Variants in ZNF385D observed in about 807,000 individuals in gnomAD.
ZNF385D encodes the protein zinc finger protein 659.
In ZNF385D, 15 loss-of-function variants were observed where a neutral mutation model predicts 35.8. That is an observed-to-expected ratio of 0.42 (90% CI 0.28 to 0.64). The LOEUF is 0.64. Ranked by LOEUF, ZNF385D falls within the 30% of genes least tolerant of loss-of-function variation. ZNF385D has a pLI of 0.23. For synonymous variants in ZNF385D, 212 were observed against 186.8 expected (o/e 1.13, Z -1.10); for missense variants, 474 against 494.6 (o/e 0.96, Z 0.39).
At chr3:21,547,440 T>A (rs2062414329) in intron 3 of ZNF385D, among the ~76,000 whole-genome samples, 1 of 151,860 alleles carries the variant, frequency 6.6e-6, no homozygotes, top group African/African-American at 2.4e-5. Flanking sequence ...GACATCAAAC[T>A]CCAAACAGTC....
At chr3:21,609,846 A>C (rs1251206110) in intron 2 of ZNF385D, among the ~76,000 whole-genome samples, 1 of 152,230 alleles carries the variant, frequency 6.6e-6, no homozygotes, top group Non-Finnish European at 1.5e-5. Flanking sequence ...TGGAACTCAC[A>C]GGCAGAGAGA....
At chr3:21,785,288 T>C (rs1471657068) in intron 3 of ZNF385D, among the ~76,000 whole-genome samples, 4 of 152,204 alleles carry the variant, frequency 2.6e-5, no homozygotes, top group Non-Finnish European at 4.4e-5. Flanking sequence ...GGTTCATAAC[T>C]TGATGATTTC....
Position 21,961,749 on chromosome 3 carries a change from T to A in ZNF385D, c.325+207068A>T, listed in dbSNP as rs940089656. The stretch of plus-strand genomic sequence containing the variant: ...TGATCCAGGGATTCAGGAAAGGCAT[T>A]TCTTGAGACATTAGTTCTGAAGAAT... On this transcript the variant is annotated intron_variant, in intron 3 of 5. Coordinates refer to the ZNF385D transcript ENST00000494108. 1.8e-4 allele frequency among the ~76,000 whole-genome samples: 27 copies of A among 152,092 alleles called. 1 individual carries two copies. Among genetic ancestry groups the A allele is most frequent in the Non-Finnish European group, 1.0e-4 (7 of 68,018 alleles).
intron 3 of ZNF385D, among the ~76,000 whole-genome samples, chr3:22,110,788 TA>T (rs72518246): frequency 0.11 from 16,183 of 140,854 alleles, 1,037 homozygotes; most frequent in Admixed American, 0.2. Flanking sequence ...TAAAGTATAA[TA>T]AAAAAAAAAA....
At chr3:21,757,151 A>G (rs1432007886) in intron 3 of ZNF385D, among the ~76,000 whole-genome samples, 1 of 25,558 alleles carries the variant, frequency 3.9e-5, no homozygotes, top group East Asian at 7.9e-4. Context: ...TTTTCTTGAG[A>G]TGGTGTCTCA....
At chr3:21,483,242 G>C (rs1439559402) in intron 4 of ZNF385D, among the ~76,000 whole-genome samples, 1 of 152,110 alleles carries the variant, frequency 6.6e-6, no homozygotes, top group Admixed American at 6.6e-5. Context: ...AGTAAAAGAT[G>C]GATCACTTTG....
intron 3 of ZNF385D, among the ~76,000 whole-genome samples, chr3:22,132,016 C>A (rs1703826241): frequency 6.6e-6 from 1 of 152,034 alleles, no homozygotes; most frequent in Admixed American, 6.6e-5. Context: ...AGGAGAATTG[C>A]ATTATATAAC....
chr3:22,316,032 G>C (rs1163581347), intron 2 of ZNF385D, among the ~76,000 whole-genome samples: 1 of 152,084 alleles, frequency 6.6e-6, no homozygotes, highest in African/African-American at 2.4e-5. Context: ...CCTAAGATTG[G>C]TCTCCTGAGA....
chr3:21,494,297 A>G lies in ZNF385D; in HGVS notation c.439+16564T>C, dbSNP rs796371925. On this transcript the variant is annotated intron_variant, in intron 4 of 7. Coordinates refer to ENST00000281523, the MANE Select transcript of ZNF385D (RefSeq NM_024697.3). Reference sequence around the variant, plus strand: ...AAACCACAATAAATATGTGAAGAACATAAACTGTAGGCAGGCACATTAGAG... The same window carrying G: ...AAACCACAATAAATATGTGAAGAACGTAAACTGTAGGCAGGCACATTAGAG... 5.3e-5 allele frequency among the ~76,000 whole-genome samples: 8 copies of G among 152,286 alleles called. 1 individual carries two copies. In the East Asian group the frequency reaches 9.6e-4, roughly 18 times the overall value.
chr3:22,187,926 C>T (rs1695748817), intron 2 of ZNF385D, among the ~76,000 whole-genome samples: 1 of 152,168 alleles, frequency 6.6e-6, no homozygotes, highest in South Asian at 2.1e-4. Flanking sequence ...AATGTCCACA[C>T]TCTACTCTCC....
intron 2 of ZNF385D, among the ~76,000 whole-genome samples, chr3:21,565,712 A>C (rs1300394838): frequency 6.6e-6 from 1 of 152,214 alleles, no homozygotes. Flanking sequence ...GCACATGTGA[A>C]GATCAAGGTT....
chr3:22,259,835 GAAAA>G, intron 2 of ZNF385D, among the ~76,000 whole-genome samples: 1 of 144,722 alleles, frequency 6.9e-6, no homozygotes, highest in Admixed American at 6.9e-5. Flanking sequence ...ACATAGTGAG[GAAAA>G]AAAAAAACTA....
intron 3 of ZNF385D, among the ~76,000 whole-genome samples, chr3:22,028,421 C>T (rs567319734): frequency 6.6e-6 from 1 of 152,286 alleles, no homozygotes; most frequent in African/African-American, 2.4e-5. Flanking sequence ...CAAGGCTGAC[C>T]TGGTTATGGC....
intron 2 of ZNF385D, among the ~76,000 whole-genome samples, chr3:22,303,908 G>A (rs748827007): frequency 2.0e-5 from 3 of 152,114 alleles, no homozygotes; most frequent in South Asian, 2.1e-4. Flanking sequence ...CTCCCAAGCA[G>A]TTGGGATTAT....
intron 3 of ZNF385D, among the ~76,000 whole-genome samples, chr3:21,782,647 G>A (rs559332573): frequency 4.6e-5 from 7 of 152,060 alleles, no homozygotes; most frequent in Admixed American, 2.0e-4. Context: ...TAAAAAACAC[G>A]CCTAATATAC....
chr3:22,285,249 G>A (rs572874368), intron 2 of ZNF385D, among the ~76,000 whole-genome samples: 7 of 152,240 alleles, frequency 4.6e-5, no homozygotes, highest in Middle Eastern at 3.4e-3. Context: ...TTGGTGATAA[G>A]AGGCTCATCT....
intron 3 of ZNF385D, among the ~76,000 whole-genome samples, chr3:22,002,058 T>A (rs1695874559): frequency 1.3e-5 from 2 of 149,246 alleles, no homozygotes; most frequent in East Asian, 2.0e-4. Flanking sequence ...CAAACCAAAC[T>A]CAAAATTAGG....
chr3:22,024,230 C>T (rs1244842677), intron 3 of ZNF385D, among the ~76,000 whole-genome samples: 2 of 152,116 alleles, frequency 1.3e-5, no homozygotes, highest in Non-Finnish European at 2.9e-5. Context: ...CTTGGACTGG[C>T]TCTCCTTGCT....
At chr3:21,861,128 G>T (rs1697029784) in intron 3 of ZNF385D, among the ~76,000 whole-genome samples, 1 of 152,066 alleles carries the variant, frequency 6.6e-6, no homozygotes, top group South Asian at 2.1e-4. Context: ...CAATGAGGTT[G>T]GCCAACTCAC....
Sources: allele counts gnomAD v4.1 joint callset (sites outside exome capture counted in the v4.1 genomes callset), GRCh38; gene constraint gnomAD v4.1.1; transcripts MANE v1.5; gene names NCBI Gene and HGNC (gene_info 2026-07-23, HGNC 2026-07-21).